ZDHHC14: variants seen among roughly 807,000 people sequenced by gnomAD.
The protein encoded by ZDHHC14 is palmitoyltransferase ZDHHC14.
Under a neutral mutation model 47.7 loss-of-function variants are expected in ZDHHC14, and 16 were observed. The ratio of observed to expected loss-of-function variants is 0.34; its 90% CI spans 0.23 to 0.51. The LOEUF (loss-of-function observed/expected upper bound fraction) is 0.51. ZDHHC14 is among the 20% of genes least tolerant of loss of function. The pLI, the probability that ZDHHC14 is intolerant of heterozygous loss-of-function variation, is 0.97. For synonymous variants in ZDHHC14, 293 were observed against 278.9 expected, an observed-to-expected ratio of 1.05 and a Z score of -0.50; for missense variants, 515 against 662.5, an observed-to-expected ratio of 0.78 and a Z score of 2.44.
At chr6:157,454,728 T>C (rs1316396609) in intron 1 of ZDHHC14, among the ~76,000 whole-genome samples, 2 of 152,218 alleles carry the variant, frequency 1.3e-5, no homozygotes, top group East Asian at 3.8e-4. Flanking sequence ...ATAAATGCTC[T>C]AATTTTTCTT....
chr6:157,607,594 C>T (rs1056894373), intron 3 of ZDHHC14, among the ~76,000 whole-genome samples: 7 of 152,142 alleles, frequency 4.6e-5, no homozygotes, highest in African/African-American at 1.2e-4. Context: ...TGCAAAGAAG[C>T]AAGAGAAAGG....
chr6:157,455,424 A>C (rs996314965), intron 1 of ZDHHC14, among the ~76,000 whole-genome samples: 2 of 152,356 alleles, frequency 1.3e-5, no homozygotes, highest in African/African-American at 4.8e-5. Context: ...GTTCCTGTTG[A>C]GTGCCTTTCC....
At chr6:157,637,646 G>C (rs1245486429) in intron 5 of ZDHHC14, among the ~76,000 whole-genome samples, 2 of 152,172 alleles carry the variant, frequency 1.3e-5, no homozygotes, top group East Asian at 1.9e-4. Context: ...CTGAGCACAG[G>C]ACTGGAGTCT....
chr6:157,598,876 G>A lies in ZDHHC14; in HGVS notation c.565+5730G>A, dbSNP rs983239101. ...TATTAAGCCCAAAACACTTTCCAGC[G>A]TTCTAAAGGCAGATATCACACTGAA... On this transcript the variant is annotated intron_variant, in intron 3 of 8. Transcript: ENST00000359775. Among the ~76,000 whole-genome samples the A allele has an allele frequency of 2.5e-4, 38 of 152,032 alleles. 1 individual carries two copies. The highest frequency in any genetic ancestry group is 1.8e-3 in the Admixed American group (27 of 15,280).
At chr6:157,631,173 A>T (rs1216238503) in intron 4 of ZDHHC14, 1 of 152,218 alleles carries the variant, frequency 6.6e-6, no homozygotes, top group Admixed American at 6.5e-5. Context: ...GCACACTCAC[A>T]TGCTCTCACA....
chr6:157,480,503 G>T (rs1481776888), intron 1 of ZDHHC14, among the ~76,000 whole-genome samples: 1 of 152,190 alleles, frequency 6.6e-6, no homozygotes, highest in Non-Finnish European at 1.5e-5. Context: ...CTGACCTCAA[G>T]TGATCCACCC....
At chr6:157,435,054 A>G (rs1215474621) in intron 1 of ZDHHC14, among the ~76,000 whole-genome samples, 2 of 152,238 alleles carry the variant, frequency 1.3e-5, no homozygotes, top group Non-Finnish European at 2.9e-5. Flanking sequence ...ACAGATCTCC[A>G]TGGCTATGCT....
At chr6:157,654,269 G>T (rs879938334) in intron 8 of ZDHHC14, among the ~76,000 whole-genome samples, 1 of 151,858 alleles carries the variant, frequency 6.6e-6, no homozygotes, top group Non-Finnish European at 1.5e-5. Flanking sequence ...TCTGGGGGAG[G>T]GGGCAGGAGT....
intron 2 of ZDHHC14, among the ~76,000 whole-genome samples, chr6:157,587,382 G>C (rs1248675550): frequency 3.3e-5 from 5 of 152,204 alleles, no homozygotes. Flanking sequence ...TGCAGAATCA[G>C]TTGCAAGGCC....
chr6:157,501,351 A>T (rs144120990), intron 1 of ZDHHC14, among the ~76,000 whole-genome samples: 1,698 of 152,356 alleles, frequency 0.011, 37 homozygotes, highest in African/African-American at 0.038. Flanking sequence ...TAAAAAAAAC[A>T]ATGTACAGAA....
intron 1 of ZDHHC14, among the ~76,000 whole-genome samples, chr6:157,519,715 T>C (rs1301424262): frequency 6.6e-6 from 1 of 152,166 alleles, no homozygotes; most frequent in Non-Finnish European, 1.5e-5. Context: ...CCCTCTCAGC[T>C]CTTCCTCTGC....
At chr6:157,535,099 T>A (rs1389621732) in intron 1 of ZDHHC14, among the ~76,000 whole-genome samples, 1 of 152,116 alleles carries the variant, frequency 6.6e-6, no homozygotes, top group Non-Finnish European at 1.5e-5. Flanking sequence ...GAGTTAAGAG[T>A]AAGGACACTA....
At chr6:157,637,214 TG>T (rs1423100785) in intron 5 of ZDHHC14, among the ~76,000 whole-genome samples, 1 of 152,176 alleles carries the variant, frequency 6.6e-6, no homozygotes, top group Non-Finnish European at 1.5e-5. Context: ...GGAGGTGGCA[TG>T]GGAATGCCAG....
In ZDHHC14 at chr6:157,648,451, T is replaced by A. The variant is rs1777664960; in HGVS notation, c.965+1083T>A. Among the ~76,000 whole-genome samples, 3 of 151,644 alleles carry A rather than the reference T, an allele frequency of 2.0e-5. No homozygotes were observed. The South Asian group carries it at 6.3e-4, about 32-fold the overall frequency. Reference sequence around the variant, plus strand: ...TAAAAAGAATTCAAGAAAAAAAAAATCCAAGCATATATTCCAAGGCCATCT... The same window carrying A: ...TAAAAAGAATTCAAGAAAAAAAAAAACCAAGCATATATTCCAAGGCCATCT... On this transcript the variant is annotated intron_variant, in intron 7 of 8. Transcript: ENST00000359775.
At chr6:157,405,336 T>C (rs1033655996) in intron 1 of ZDHHC14, among the ~76,000 whole-genome samples, 3 of 152,026 alleles carry the variant, frequency 2.0e-5, no homozygotes, top group Admixed American at 2.0e-4. Context: ...GGGTTCACAC[T>C]ATTCTCCTGC....
rs369633387 is a variant in ZDHHC14 at position 157,545,558 on chromosome 6, G to A, written c.406+2813G>A. On this transcript the variant is annotated intron_variant, in intron 2 of 8. Transcript: ENST00000359775. ...CCGGGTGTGGTGGCACACACTTGTA[G>A]TCCCAGCTACTCGGGAGGCTGAGGC... 2.7e-4 allele frequency among the ~76,000 whole-genome samples: 41 copies of A among 152,046 alleles called. No individual in the cohort carries two copies. In the East Asian group the frequency reaches 7.4e-3, roughly 27 times the overall value.
chr6:157,442,343 A>G (rs1377257599), intron 1 of ZDHHC14, among the ~76,000 whole-genome samples: 1 of 152,220 alleles, frequency 6.6e-6, no homozygotes, highest in Non-Finnish European at 1.5e-5. Context: ...AGATCACGCC[A>G]TTGCACTTCA....
At chr6:157,581,553 A>T (rs1459132374) in intron 2 of ZDHHC14, among the ~76,000 whole-genome samples, 1 of 152,106 alleles carries the variant, frequency 6.6e-6, no homozygotes, top group Non-Finnish European at 1.5e-5. Context: ...TGGGAGTCTA[A>T]GTCTCTTTGT....
At chr6:157,417,198 G>A (rs1369408212) in intron 1 of ZDHHC14, among the ~76,000 whole-genome samples, 1 of 151,814 alleles carries the variant, frequency 6.6e-6, no homozygotes, top group African/African-American at 2.4e-5. Context: ...CGTTAATCCT[G>A]TTGCCGTTTG....
Sources: allele counts gnomAD v4.1 joint callset (sites outside exome capture counted in the v4.1 genomes callset), GRCh38; gene constraint gnomAD v4.1.1; transcripts MANE v1.5; gene names NCBI Gene and HGNC (gene_info 2026-07-23, HGNC 2026-07-21).